Variants in TBC1D8 observed in about 807,000 individuals in gnomAD.
TBC1D8 encodes BUB2-like protein 1.
TBC1D8 carries 65 observed loss-of-function variants against 118.8 expected under a neutral mutation model. The observed-to-expected ratio is 0.55, with a 90% confidence interval of 0.45 to 0.67. The LOEUF is 0.67. Ranked by LOEUF, TBC1D8 falls within the 30% of genes least tolerant of loss-of-function variation. The pLI is 0.00. For synonymous variants in TBC1D8, 566 were observed against 595.8 expected (o/e 0.95, Z 0.73); for missense variants, 1,376 against 1,471.2 (o/e 0.94, Z 1.06).
chr2:101,008,128 C>T lies in TBC1D8; in HGVS notation c.3161G>A (p.Ser1054Asn). Residue 1054 changes from serine to asparagine, a missense_variant, in exon 20 of 20, where the codon AGC becomes AAC. Transcript: ENST00000409318. ...CTCCTCCCCACACTCCTGGGAGCAG[C>T]TTCCAGAGCTGCTGCCTCGCTGCCC... Reference protein sequence around the residue: ...EVGQRGSSSGSCSQECGEELR... With the variant: ...EVGQRGSSSGNCSQECGEELR... 3 of 1,613,884 alleles carry T rather than the reference C, an allele frequency of 1.9e-6. No individual in the cohort carries two copies. Among genetic ancestry groups the T allele is most frequent in the Non-Finnish European group, 2.5e-6 (3 of 1,179,806 alleles).
chr2:101,095,516 C>T (rs185508224), intron 1 of TBC1D8, among the ~76,000 whole-genome samples: 132 of 146,414 alleles, frequency 9.0e-4, no homozygotes, highest in African/African-American at 3.2e-3. Flanking sequence ...GGTTTTTTGT[C>T]CTTGCGATAG....
intron 1 of TBC1D8, chr2:101,109,818 C>G: frequency 1.0e-6 from 1 of 985,428 alleles, no homozygotes; most frequent in Non-Finnish European, 1.2e-6. Context: ...TTTAAAAATA[C>G]TACATCATTT....
At chr2:101,135,187 A>G (rs542952933) in intron 1 of TBC1D8, among the ~76,000 whole-genome samples, 1 of 152,204 alleles carries the variant, frequency 6.6e-6, no homozygotes, top group Admixed American at 6.5e-5. Flanking sequence ...AAGAAAAAAG[A>G]AACAAGAAAA....
chr2:101,054,672 CTTTTTTTT>C (rs34465252), intron 3 of TBC1D8, among the ~76,000 whole-genome samples: 9 of 25,438 alleles, frequency 3.5e-4, no homozygotes, highest in East Asian at 3.0e-3. Context: ...CTTTTCTTTT[CTTTTTTTT>C]TTTTTTTTTT....
In TBC1D8 at chr2:101,077,047, G is replaced by A. The variant is rs191355441; in HGVS notation, c.283+13162C>T. 1.7e-3 allele frequency among the ~76,000 whole-genome samples: 257 copies of A among 152,268 alleles called. 2 individuals are homozygous for A. Among genetic ancestry groups the A allele is most frequent in the East Asian group, 4.3e-3 (22 of 5,176 alleles). The stretch of plus-strand genomic sequence containing the variant: ...ATTTTTATTTTTAATTTTTTGAGAC[G>A]GAGTCTCGCTCTGTCGCCCAGACTG... On this transcript the variant is annotated intron_variant, in intron 2 of 19. Coordinates refer to ENST00000409318, the MANE Select transcript of TBC1D8 (RefSeq NM_001330348.2).
chr2:101,030,836 G>A (rs1450401759), intron 11 of TBC1D8, among the ~76,000 whole-genome samples: 1 of 152,226 alleles, frequency 6.6e-6, no homozygotes, highest in East Asian at 1.9e-4. Flanking sequence ...CACCAACAAT[G>A]TGGCTGCCTC....
chr2:101,141,762 A>G (rs1679107934), intron 1 of TBC1D8, among the ~76,000 whole-genome samples: 1 of 151,936 alleles, frequency 6.6e-6, no homozygotes. Context: ...AAAAATACAT[A>G]CAATTGAAAA....
intron 5 of TBC1D8, among the ~76,000 whole-genome samples, chr2:101,047,250 C>A (rs907149899): frequency 6.6e-6 from 1 of 152,156 alleles, no homozygotes; most frequent in Non-Finnish European, 1.5e-5. Context: ...GACAATGCAC[C>A]CCCTACCCTC....
intron 15 of TBC1D8, among the ~76,000 whole-genome samples, chr2:101,025,938 G>A (rs1437213949): frequency 1.3e-5 from 2 of 152,122 alleles, no homozygotes; most frequent in African/African-American, 4.8e-5. Flanking sequence ...TTTAAAGAAT[G>A]GCTTTAAACT....
At chr2:101,038,433 G>T in intron 7 of TBC1D8, 28 bp downstream of exon 7, 1 of 1,603,340 alleles carries the variant, frequency 6.2e-7, no homozygotes, top group Non-Finnish European at 8.5e-7. Context: ...ATGAAGAAGG[G>T]GATCATCAGG....
intron 8 of TBC1D8, among the ~76,000 whole-genome samples, 177 bp from the exon 9 acceptor site, chr2:101,036,345 GAGGA>G (rs2105394754): frequency 6.6e-6 from 1 of 152,300 alleles, no homozygotes; most frequent in Admixed American, 6.5e-5. Context: ...TGGGGGCACA[GAGGA>G]TGCAAAGATG....
chr2:101,106,818 G>A (rs969887302), intron 1 of TBC1D8, among the ~76,000 whole-genome samples: 4 of 152,156 alleles, frequency 2.6e-5, no homozygotes, highest in South Asian at 2.1e-4. Context: ...ATAAACAACC[G>A]GTACTGTGCC....
intron 2 of TBC1D8, among the ~76,000 whole-genome samples, chr2:101,060,229 C>G (rs970378375): frequency 6.6e-6 from 1 of 152,224 alleles, no homozygotes; most frequent in Admixed American, 6.5e-5. Flanking sequence ...GAGTAGCAGA[C>G]CAATCCTAAG....
Position 101,093,625 on chromosome 2 carries a change from G to C in TBC1D8, c.128-3261C>G, listed in dbSNP as rs548233543. ...AGCTACTCAGGAGGCTGAGGCAGGA[G>C]AATCACTTGAACCCAGGTGGCAGAG... On this transcript the variant is annotated intron_variant, in intron 1 of 19. Transcript: ENST00000409318. Among the ~76,000 whole-genome samples the C allele has an allele frequency of 2.0e-5, 3 of 152,046 alleles. No individual in the cohort carries two copies. In the East Asian group the frequency reaches 5.9e-4, roughly 30 times the overall value.
intron 1 of TBC1D8, among the ~76,000 whole-genome samples, chr2:101,149,668 G>T (rs760844656): frequency 2.0e-5 from 3 of 152,154 alleles, no homozygotes; most frequent in Non-Finnish European, 2.9e-5. Context: ...TGCCCTCAAA[G>T]AAAGGGAGGG....
intron 9 of TBC1D8, among the ~76,000 whole-genome samples, chr2:101,034,024 C>A (rs1397793534): frequency 6.6e-6 from 1 of 152,072 alleles, no homozygotes; most frequent in Non-Finnish European, 1.5e-5. Flanking sequence ...ATTAGCCAGG[C>A]ATGGTGGTGG....
At chr2:101,052,778 T>C (rs1332567571) in intron 4 of TBC1D8, among the ~76,000 whole-genome samples, 1 of 152,240 alleles carries the variant, frequency 6.6e-6, no homozygotes, top group African/African-American at 2.4e-5. Context: ...CCTTTTCAAA[T>C]AGAGAATGAC....
chr2:101,044,941 G>T (rs753337906), intron 5 of TBC1D8, among the ~76,000 whole-genome samples: 4 of 152,114 alleles, frequency 2.6e-5, no homozygotes, highest in Non-Finnish European at 4.4e-5. Context: ...GAGAGATGGG[G>T]TTTCGCCATG....
intron 1 of TBC1D8, among the ~76,000 whole-genome samples, chr2:101,114,500 A>C (rs527967820): frequency 2.0e-5 from 3 of 152,290 alleles, no homozygotes; most frequent in Admixed American, 6.5e-5. Context: ...TGCTCCAAGT[A>C]CCTGGAGTTT....
Sources: gnomAD v4.1 joint callset for allele counts (sites outside exome capture counted in the v4.1 genomes callset) on GRCh38, gnomAD v4.1.1 for gene constraint, MANE v1.5 for transcripts, NCBI Gene and HGNC (gene_info 2026-07-23, HGNC 2026-07-21) for gene names.